The following APBB1IP variants were observed in gnomAD, a reference collection of about 807,000 sequenced individuals.
The protein encoded by APBB1IP is amyloid beta precursor protein binding family B member 1 interacting protein.
In APBB1IP, 27 loss-of-function variants were observed where a neutral mutation model predicts 64.9. That is an observed-to-expected ratio of 0.42 (90% CI 0.31 to 0.57). The LOEUF is 0.57. Among genes scored for constraint, APBB1IP ranks in the 20% least tolerant of loss-of-function variants. The pLI, the probability that APBB1IP is intolerant of heterozygous loss-of-function variation, is 0.20. For missense variants in APBB1IP, 812 were observed against 845.5 expected, an observed-to-expected ratio of 0.96 and a Z score of 0.49; for synonymous variants, 392 against 331.0, an observed-to-expected ratio of 1.18 and a Z score of -2.00.
chr10:26,453,869 T>C (rs1299392490), intron 2 of APBB1IP, among the ~76,000 whole-genome samples: 2 of 152,352 alleles, frequency 1.3e-5, no homozygotes, highest in South Asian at 2.1e-4. Flanking sequence ...CTGCTGGGTG[T>C]ATACCCAAAA....
At chr10:26,476,345 G>A (rs1344345031) in intron 2 of APBB1IP, among the ~76,000 whole-genome samples, 1 of 149,362 alleles carries the variant, frequency 6.7e-6, no homozygotes, top group African/African-American at 2.5e-5. Context: ...TACTTGGGAG[G>A]CTGAAGCAGG....
At chr10:26,465,307 T>A (rs1297348593) in intron 2 of APBB1IP, among the ~76,000 whole-genome samples, 1 of 152,374 alleles carries the variant, frequency 6.6e-6, no homozygotes, top group Non-Finnish European at 1.5e-5. Context: ...TTCATGAATG[T>A]GCTCAGATCT....
At chr10:26,461,339 A>G (rs532842464) in intron 2 of APBB1IP, among the ~76,000 whole-genome samples, 1 of 152,318 alleles carries the variant, frequency 6.6e-6, no homozygotes, top group African/African-American at 2.4e-5. Context: ...TTCCAAATAT[A>G]TAGCCGATTA....
intron 3 of APBB1IP, among the ~76,000 whole-genome samples, chr10:26,492,831 G>A (rs889764577): frequency 6.6e-6 from 1 of 152,152 alleles, no homozygotes; most frequent in Admixed American, 6.6e-5. Flanking sequence ...GAAGTTCCAT[G>A]CCCCGCTGTG....
chr10:26,500,802 G>A lies in APBB1IP; in HGVS notation c.161-17G>A, dbSNP rs1836086903. 4.4e-6 allele frequency: 7 copies of A among 1,594,302 alleles called. No homozygotes were observed. The highest frequency in any genetic ancestry group is 6.0e-6 in the Non-Finnish European group (7 of 1,168,520). On this transcript the variant is annotated splice_polypyrimidine_tract_variant and intron_variant, in intron 4 of 14. Transcript: ENST00000376236. Reference sequence around the variant, plus strand: ...GCAAATAGGTTTTTATACCATTAATGTGATTTTCCCTACTAGAGTCCTTAA... The same window carrying A: ...GCAAATAGGTTTTTATACCATTAATATGATTTTCCCTACTAGAGTCCTTAA...
At chr10:26,487,197 G>GT (rs34387177) in intron 2 of APBB1IP, among the ~76,000 whole-genome samples, 8,826 of 134,014 alleles carry the variant, frequency 0.066, 806 homozygotes, top group African/African-American at 0.21. Flanking sequence ...AGGGCTGGGT[G>GT]TTTTTTTTTT....
intron 8 of APBB1IP, among the ~76,000 whole-genome samples, chr10:26,519,907 A>C (rs1836382941): frequency 6.6e-6 from 1 of 152,170 alleles, no homozygotes. Flanking sequence ...GACCATTCTC[A>C]TTGATGTCAT....
intron 14 of APBB1IP, among the ~76,000 whole-genome samples, chr10:26,566,695 C>CAGAG (rs1167628183): frequency 6.6e-6 from 1 of 152,046 alleles, no homozygotes; most frequent in East Asian, 1.9e-4. Flanking sequence ...AGGGGGCGGA[C>CAGAG]AGAGACTCAC....
chr10:26,508,395 C>CAA lies in APBB1IP; in HGVS notation c.532-3344_532-3343dup, dbSNP rs35547259. ...CCATTTATAAATTTTAGTATAGAAGCAAAAAAAAACAAAAAAAACCCCCCA... is the reference window on the plus strand; with the variant it reads ...CCATTTATAAATTTTAGTATAGAAGCAAAAAAAAAAACAAAAAAAACCCCCCA... On this transcript the variant is annotated intron_variant, in intron 6 of 14. Coordinates refer to ENST00000376236, the MANE Select transcript of APBB1IP (RefSeq NM_019043.4). Among the ~76,000 whole-genome samples the CAA allele has an allele frequency of 1.0e-3, 142 of 136,904 alleles. 2 individuals carry two copies. In the East Asian group the frequency reaches 0.017, roughly 16 times the overall value. The allele number at this position is 136,904 out of a possible 152,430, so 89.8% of individuals were successfully genotyped here.
At chr10:26,494,645 T>C (rs1390789078) in intron 3 of APBB1IP, among the ~76,000 whole-genome samples, 1 of 152,036 alleles carries the variant, frequency 6.6e-6, no homozygotes, top group African/African-American at 2.4e-5. Context: ...GCCAATATGG[T>C]GAAACCCCAT....
intron 8 of APBB1IP, among the ~76,000 whole-genome samples, chr10:26,519,323 C>A (rs191896363): frequency 4.6e-4 from 70 of 152,208 alleles, no homozygotes; most frequent in Non-Finnish European, 7.2e-4. Flanking sequence ...GTTTAATGGG[C>A]TCATGGTTCT....
chr10:26,567,284 C>CCCG lies in APBB1IP; in HGVS notation c.1815_1817dup (p.Pro606dup). ...CAGGGATCGCGGGCTCAGAGCTGCC[C>CCCG]CCGCCGCCGCCGCCGCCGCCCGCGC... On this transcript the variant is annotated inframe_insertion, in exon 15 of 15. Coordinates refer to ENST00000376236, the MANE Select transcript of APBB1IP (RefSeq NM_019043.4). The CCCG allele has an allele frequency of 0.021, 23,140 of 1,103,782 alleles. 194 individuals carry two copies. Among genetic ancestry groups the CCCG allele is most frequent in the African/African-American group, 0.026 (1,503 of 58,592 alleles). 68.4% of individuals were successfully genotyped at this position (1,103,782 alleles called of 1,614,324 possible).
At chr10:26,477,933 C>T (rs1440867096) in intron 2 of APBB1IP, among the ~76,000 whole-genome samples, 1 of 152,146 alleles carries the variant, frequency 6.6e-6, no homozygotes, top group African/African-American at 2.4e-5. Flanking sequence ...CTGTGTCGCC[C>T]AGGCTGGTAG....
intron 2 of APBB1IP, among the ~76,000 whole-genome samples, chr10:26,489,276 A>G (rs1294867645): frequency 6.6e-6 from 1 of 152,242 alleles, no homozygotes; most frequent in Non-Finnish European, 1.5e-5. Flanking sequence ...CGGCAAAAGA[A>G]AAGTCACTGC....
chr10:26,485,735 T>C (rs904855681), intron 2 of APBB1IP, among the ~76,000 whole-genome samples: 4 of 152,186 alleles, frequency 2.6e-5, no homozygotes, highest in Non-Finnish European at 5.9e-5. Flanking sequence ...AAGGCCAGGA[T>C]TTACTGACAT....
rs771434023 is a variant in APBB1IP, at chr10:26,511,805, G to A, written c.590G>A (p.Arg197Gln). ...NSTKSLMVDE[R>Q]QLARDVLDNL... ...ACAAAGTCACTGATGGTGGATGAGCGGCAGCTGGCCCGAGATGTTCTGGAC... is the reference window on the plus strand; with the variant it reads ...ACAAAGTCACTGATGGTGGATGAGCAGCAGCTGGCCCGAGATGTTCTGGAC... The change falls in exon 7 of 15, where the codon CGG becomes CAG. Residue 197 changes from arginine (R) to glutamine (Q), a missense_variant. Coordinates refer to ENST00000376236, the MANE Select transcript of APBB1IP (RefSeq NM_019043.4). The A allele has an allele frequency of 1.1e-5, 18 of 1,614,146 alleles. No individual in the cohort carries two copies. Among genetic ancestry groups the A allele is most frequent in the South Asian group, 3.3e-5 (3 of 91,074 alleles).
chr10:26,561,359 C>T (rs1352584258), intron 13 of APBB1IP, among the ~76,000 whole-genome samples: 1 of 149,884 alleles, frequency 6.7e-6, no homozygotes, highest in East Asian at 2.0e-4. Flanking sequence ...TGAACCATTG[C>T]ACCTGGCCTG....
intron 2 of APBB1IP, among the ~76,000 whole-genome samples, chr10:26,459,454 G>A (rs956439228): frequency 2.0e-5 from 3 of 152,156 alleles, no homozygotes; most frequent in Non-Finnish European, 4.4e-5. Context: ...TATATACCCA[G>A]TAATGGGATG....
At chr10:26,514,220 A>G (rs900588560) in intron 8 of APBB1IP, among the ~76,000 whole-genome samples, 1 of 151,986 alleles carries the variant, frequency 6.6e-6, no homozygotes, top group Non-Finnish European at 1.5e-5. Context: ...TCCAAAACCT[A>G]TCTCTCTGTG....
Sources: gnomAD v4.1 joint callset for allele counts (sites outside exome capture counted in the v4.1 genomes callset) on GRCh38, gnomAD v4.1.1 for gene constraint, MANE v1.5 for transcripts, NCBI Gene and HGNC (gene_info 2026-07-23, HGNC 2026-07-21) for gene names.